Variants in NTM observed in about 807,000 individuals in gnomAD.
The protein encoded by NTM is IgLON family member 2.
Under a neutral mutation model 42.1 loss-of-function variants are expected in NTM, and 13 were observed. That is an observed-to-expected ratio of 0.31 (90% confidence interval 0.20 to 0.49). NTM has a LOEUF of 0.49. Ranked by LOEUF, NTM falls within the 20% of genes least tolerant of loss-of-function variation. NTM has a pLI of 0.99. For synonymous variants in NTM, 187 were observed against 179.2 expected, an observed-to-expected ratio of 1.04 and a Z score of -0.35; for missense variants, 373 against 452.8, an observed-to-expected ratio of 0.82 and a Z score of 1.60.
In NTM at chr11:131,560,953, T is replaced by A. The variant is rs7938709; in HGVS notation, c.82+190065T>A. On this transcript the variant is annotated intron_variant, in intron 1 of 8. Transcript: ENST00000683400. ...CTTTCCCATGCCCCCAGGCTGACCA[T>A]CCCGGCTACCTACACATAGGGCAGC... Among the ~76,000 whole-genome samples, 518 of 152,066 alleles carry A rather than the reference T, an allele frequency of 3.4e-3. 4 individuals carry two copies. The highest frequency in any genetic ancestry group is 0.012 in the African/African-American group (505 of 41,472).
Position 131,481,915 on chromosome 11 carries a change from C to T in NTM, c.82+111027C>T, listed in dbSNP as rs536463283. On this transcript the variant is annotated intron_variant, in intron 1 of 8. Transcript: ENST00000683400. ...TGTTAAGTTCCCACTAGTCCTCCTA[C>T]TCATAATGAAAATGCTCATATATGG... is the stretch of plus-strand genomic sequence containing the variant. 3.3e-5 allele frequency among the ~76,000 whole-genome samples: 5 copies of T among 152,330 alleles called. No individual in the cohort carries two copies. The South Asian group carries it at 1.0e-3, about 32-fold the overall frequency.
rs141233686 is a variant in NTM, at chr11:131,618,641, A to C, written c.82+247753A>C. ...GTGAGCCCACTTTAAAACCTCCCCT[A>C]TGCTCAGATAAGATGGAAATTGAGC... On this transcript the variant is annotated intron_variant, in intron 1 of 8. Transcript: ENST00000683400. 3.4e-3 allele frequency among the ~76,000 whole-genome samples: 513 copies of C among 152,318 alleles called. 6 individuals carry two copies. Among genetic ancestry groups the C allele is most frequent in the African/African-American group, 0.011 (474 of 41,566 alleles).
At chr11:132,291,107 G>T (rs746907536) in intron 4 of NTM, among the ~76,000 whole-genome samples, 1 of 152,030 alleles carries the variant, frequency 6.6e-6, no homozygotes, top group African/African-American at 2.4e-5. Context: ...AGATGTTGAC[G>T]CCTACCTAAT....
At chr11:132,266,291 C>T (rs1005391467) in intron 4 of NTM, among the ~76,000 whole-genome samples, 16 of 152,162 alleles carry the variant, frequency 1.1e-4, no homozygotes, top group Non-Finnish European at 2.1e-4. Context: ...CAGCTAGAGC[C>T]TCCCTGAGGT....
At chr11:131,617,912 C>G (rs144268646) in intron 1 of NTM, among the ~76,000 whole-genome samples, 1 of 152,088 alleles carries the variant, frequency 6.6e-6, no homozygotes, top group African/African-American at 2.4e-5. Flanking sequence ...CCCAGTGTGC[C>G]GTCTGACCTT....
chr11:132,143,125 C>T (rs1373183465), intron 2 of NTM, among the ~76,000 whole-genome samples: 1 of 152,144 alleles, frequency 6.6e-6, no homozygotes, highest in Admixed American at 6.5e-5. Flanking sequence ...AAGTTCTCTC[C>T]TGTAACGTAT....
At chr11:132,288,296 A>G (rs890268049) in intron 4 of NTM, among the ~76,000 whole-genome samples, 1 of 152,220 alleles carries the variant, frequency 6.6e-6, no homozygotes, top group Non-Finnish European at 1.5e-5. Context: ...TTCTCAGTGC[A>G]CAGAAGATTC....
intron 2 of NTM, among the ~76,000 whole-genome samples, chr11:132,041,227 TAGATAGAG>T (rs1158999334): frequency 1.1e-5 from 1 of 94,986 alleles, no homozygotes; most frequent in Non-Finnish European, 2.2e-5. Context: ...GAGAGAGAGA[TAGATAGAG>T]AGAGAGAGAG....
intron 1 of NTM, among the ~76,000 whole-genome samples, chr11:131,473,060 T>C (rs1952597520): frequency 6.6e-6 from 1 of 152,174 alleles, no homozygotes; most frequent in Admixed American, 6.5e-5. Context: ...CCAGGGTGGT[T>C]ACTATTTTCT....
intron 2 of NTM, among the ~76,000 whole-genome samples, chr11:132,092,932 G>A (rs2060537563): frequency 3.3e-5 from 5 of 152,150 alleles, no homozygotes; most frequent in Admixed American, 3.3e-4. Context: ...CTCTCATTGG[G>A]ATTATTATGG....
chr11:132,050,208 C>G (rs942880738), intron 2 of NTM, among the ~76,000 whole-genome samples: 1 of 152,070 alleles, frequency 6.6e-6, no homozygotes, highest in Non-Finnish European at 1.5e-5. Context: ...TATTGCTATG[C>G]GTTGCTGAAA....
intron 1 of NTM, among the ~76,000 whole-genome samples, chr11:131,530,201 G>A (rs1196474720): frequency 2.0e-5 from 3 of 152,188 alleles, no homozygotes; most frequent in Non-Finnish European, 4.4e-5. Flanking sequence ...CTGGCACAGG[G>A]CATGGTGCTT....
At chr11:132,201,960 A>G (rs2081226779) in intron 3 of NTM, among the ~76,000 whole-genome samples, 1 of 152,246 alleles carries the variant, frequency 6.6e-6, no homozygotes, top group South Asian at 2.1e-4. Flanking sequence ...TAGGTCTTCA[A>G]CAAATATTAG....
chr11:131,571,393 G>A (rs2057424370), intron 1 of NTM, among the ~76,000 whole-genome samples: 1 of 152,166 alleles, frequency 6.6e-6, no homozygotes, highest in South Asian at 2.1e-4. Flanking sequence ...TTATGCCTGT[G>A]TTAATCTACC....
intron 4 of NTM, among the ~76,000 whole-genome samples, chr11:132,253,825 G>A (rs745812039): frequency 6.6e-5 from 10 of 152,150 alleles, no homozygotes; most frequent in Non-Finnish European, 1.0e-4. Flanking sequence ...ACCTCCTCAG[G>A]CCTGCCCTCA....
chr11:132,044,098 GTATA>G (rs2077603752), intron 2 of NTM, among the ~76,000 whole-genome samples: 2 of 148,480 alleles, frequency 1.3e-5, no homozygotes, highest in African/African-American at 4.9e-5. Context: ...ATGTGTGTAT[GTATA>G]TGTGTGTATG....
At chr11:131,968,950 A>C (rs1388871856) in intron 2 of NTM, among the ~76,000 whole-genome samples, 2 of 152,338 alleles carry the variant, frequency 1.3e-5, no homozygotes, top group Non-Finnish European at 2.9e-5. Flanking sequence ...GTCAGTAGGC[A>C]AGGGGATGCT....
intron 7 of NTM, among the ~76,000 whole-genome samples, chr11:132,325,718 A>G (rs1439144709): frequency 7.2e-5 from 11 of 152,200 alleles, no homozygotes; most frequent in Non-Finnish European, 1.3e-4. Flanking sequence ...ACACGCACAC[A>G]TATGTTTATT....
At chr11:132,237,799 C>T (rs1024476900) in intron 4 of NTM, among the ~76,000 whole-genome samples, 1 of 152,194 alleles carries the variant, frequency 6.6e-6, no homozygotes, top group African/African-American at 2.4e-5. Flanking sequence ...GGAGTTTCAT[C>T]CTCCCCGCTC....
Sources: gnomAD v4.1 joint callset for allele counts (sites outside exome capture counted in the v4.1 genomes callset) on GRCh38, gnomAD v4.1.1 for gene constraint, MANE v1.5 for transcripts, NCBI Gene and HGNC (gene_info 2026-07-23, HGNC 2026-07-21) for gene names.